Variants in LARS2 observed in about 807,000 individuals in gnomAD.
The protein encoded by LARS2 is leucine--tRNA ligase, mitochondrial.
A neutral mutation model predicts 116.6 loss-of-function variants in LARS2; 81 were observed. The observed-to-expected ratio is 0.69, with a 90% CI of 0.58 to 0.84. The LOEUF is 0.84. Ranked by LOEUF, LARS2 falls within the 40% of genes least tolerant of loss-of-function variation. The pLI, the probability that LARS2 is intolerant of heterozygous loss-of-function variation, is 0.00. For synonymous variants in LARS2, 396 were observed against 407.2 expected (o/e 0.97, Z 0.33); for missense variants, 968 against 1,114.5 (o/e 0.87, Z 1.87).
At chr3:45,504,235 C>T (rs1380730778) in intron 15 of LARS2, among the ~76,000 whole-genome samples, 2 of 151,728 alleles carry the variant, frequency 1.3e-5, no homozygotes, top group Non-Finnish European at 1.5e-5. Flanking sequence ...AGGCTCAAGT[C>T]CTAACACTGG....
At position 45,533,065 on chromosome 3, in the gene LARS2, A is replaced by G. The variant is rs181340560; in HGVS notation, c.2405-8764A>G. ...TGACAAGCTGCAGCCATATTATATT[A>G]TATTTTGCAGACTTTTATTATCTTC... On this transcript the variant is annotated intron_variant, in intron 20 of 21. Coordinates refer to ENST00000645846, the MANE Select transcript of LARS2 (RefSeq NM_015340.4). 2.3e-4 allele frequency among the ~76,000 whole-genome samples: 32 copies of G among 142,018 alleles called. 1 individual carries two copies. In the East Asian group the frequency reaches 6.3e-3, roughly 28 times the overall value. 93.2% of individuals were successfully genotyped at this position (142,018 alleles called of 152,430 possible).
chr3:45,528,399 C>T (rs987104310), intron 20 of LARS2, among the ~76,000 whole-genome samples: 11 of 152,064 alleles, frequency 7.2e-5, no homozygotes, highest in African/African-American at 2.7e-4. Context: ...ATTTTGTGTC[C>T]ACTTGTCTGT....
chr3:45,418,639 G>A (rs538236809), intron 5 of LARS2, among the ~76,000 whole-genome samples: 3 of 152,260 alleles, frequency 2.0e-5, no homozygotes, highest in East Asian at 1.9e-4. Flanking sequence ...CATATTGTCC[G>A]TGTCTGCTTC....
intron 20 of LARS2, among the ~76,000 whole-genome samples, chr3:45,526,921 T>C (rs1005012239): frequency 5.3e-5 from 8 of 152,088 alleles, no homozygotes; most frequent in African/African-American, 1.4e-4. Flanking sequence ...AATGCAACAG[T>C]AAAATCTTCA....
chr3:45,431,217 C>G (rs549352684), intron 6 of LARS2, among the ~76,000 whole-genome samples: 1 of 152,170 alleles, frequency 6.6e-6, no homozygotes, highest in Non-Finnish European at 1.5e-5. Context: ...GTTTCCCAAC[C>G]TTCAGAACTG....
At chr3:45,417,288 G>A (rs1698441976) in intron 4 of LARS2, among the ~76,000 whole-genome samples, 194 bp from the exon 5 acceptor site, 1 of 152,116 alleles carries the variant, frequency 6.6e-6, no homozygotes, top group South Asian at 2.1e-4. Flanking sequence ...TTGGTGCTTT[G>A]GCATATAACC....
chr3:45,471,786 G>A lies in LARS2; in HGVS notation c.751-2457G>A, dbSNP rs142194693. 9.7e-3 allele frequency among the ~76,000 whole-genome samples: 1,473 copies of A among 152,232 alleles called. 8 individuals are homozygous for A. Among genetic ancestry groups the A allele is most frequent in the Non-Finnish European group, 0.017 (1,125 of 68,016 alleles). ...TTTTCAAAGTTTATAATATACTTGC[G>A]TGCTCGTTGACATTTAAGACCCCCT... is the stretch of plus-strand genomic sequence containing the variant. On this transcript the variant is annotated intron_variant, in intron 8 of 21. Coordinates refer to ENST00000645846, the MANE Select transcript of LARS2 (RefSeq NM_015340.4).
At chr3:45,393,021 C>T (rs544519351) in intron 2 of LARS2, among the ~76,000 whole-genome samples, 1 of 152,222 alleles carries the variant, frequency 6.6e-6, no homozygotes, top group African/African-American at 2.4e-5. Context: ...AAAATCTCAC[C>T]TCAACCCTTT....
At chr3:45,485,279 CA>C (rs1699785778) in intron 10 of LARS2, among the ~76,000 whole-genome samples, 1 of 152,106 alleles carries the variant, frequency 6.6e-6, no homozygotes, top group African/African-American at 2.4e-5. Flanking sequence ...TCTGCTCAGT[CA>C]TTTTCTACTC....
intron 15 of LARS2, among the ~76,000 whole-genome samples, chr3:45,507,450 T>C (rs760853280): frequency 2.0e-5 from 3 of 152,078 alleles, no homozygotes; most frequent in Non-Finnish European, 2.9e-5. Flanking sequence ...TAAAAATCTA[T>C]CCTAAGGAAA....
At chr3:45,421,000 T>A (rs1456009980) in intron 6 of LARS2, among the ~76,000 whole-genome samples, 3 of 152,240 alleles carry the variant, frequency 2.0e-5, no homozygotes, top group Admixed American at 2.0e-4. Context: ...AAAGTTCAAA[T>A]CAATATGCAT....
intron 8 of LARS2, among the ~76,000 whole-genome samples, chr3:45,462,459 G>A (rs1699346540): frequency 6.6e-6 from 1 of 151,922 alleles, no homozygotes; most frequent in Non-Finnish European, 1.5e-5. Flanking sequence ...GAAGCAGAAG[G>A]GGCAGTGCCA....
chr3:45,519,218 G>T (rs955937794), intron 18 of LARS2, among the ~76,000 whole-genome samples: 2 of 152,046 alleles, frequency 1.3e-5, no homozygotes, highest in African/African-American at 4.8e-5. Context: ...TTGACAAGGC[G>T]CAGTGGCTCA....
At chr3:45,430,892 T>C (rs1698701352) in intron 6 of LARS2, among the ~76,000 whole-genome samples, 1 of 152,218 alleles carries the variant, frequency 6.6e-6, no homozygotes, top group Admixed American at 6.5e-5. Flanking sequence ...GCCCAATTTT[T>C]ATTTTTTAAT....
chr3:45,417,456 G>C, intron 4 of LARS2, 26 bp from the exon 5 acceptor site: 1 of 1,557,160 alleles, frequency 6.4e-7, no homozygotes, highest in Non-Finnish European at 8.9e-7. Flanking sequence ...ATTTGCCATG[G>C]TTGATGTTCC....
At chr3:45,400,045 T>C (rs533393453) in intron 3 of LARS2, among the ~76,000 whole-genome samples, 200 bp from the exon 4 acceptor site, 25 of 152,336 alleles carry the variant, frequency 1.6e-4, no homozygotes, top group Non-Finnish European at 3.4e-4. Context: ...TGGCATTATT[T>C]TGGACATTCT....
At chr3:45,401,868 A>C (rs897983687) in intron 4 of LARS2, among the ~76,000 whole-genome samples, 5 of 152,116 alleles carry the variant, frequency 3.3e-5, no homozygotes, top group Non-Finnish European at 7.4e-5. Flanking sequence ...CACCCACCTC[A>C]GCCTCCCAAG....
chr3:45,535,172 ACT>A (rs1166515114), intron 20 of LARS2, among the ~76,000 whole-genome samples: 7 of 151,978 alleles, frequency 4.6e-5, no homozygotes, highest in Non-Finnish European at 8.8e-5. Flanking sequence ...ACATGGTAAA[ACT>A]CTGTCTCTAC....
At chr3:45,418,514 A>G (rs537780409) in intron 5 of LARS2, among the ~76,000 whole-genome samples, 1 of 152,348 alleles carries the variant, frequency 6.6e-6, no homozygotes, top group East Asian at 1.9e-4. Flanking sequence ...AACATGGCTT[A>G]TGTTTGATAT....
Sources: gnomAD v4.1 joint callset for allele counts (sites outside exome capture counted in the v4.1 genomes callset) on GRCh38, gnomAD v4.1.1 for gene constraint, MANE v1.5 for transcripts, NCBI Gene and HGNC (gene_info 2026-07-23, HGNC 2026-07-21) for gene names.